Variants in VSTM2A observed in about 807,000 individuals in gnomAD.
The protein encoded by VSTM2A is V-set and transmembrane domain-containing protein 2A.
A neutral mutation model predicts 27.3 loss-of-function variants in VSTM2A; 13 were observed. The observed-to-expected ratio is 0.48, with a 90% confidence interval of 0.31 to 0.76. The LOEUF (loss-of-function observed/expected upper bound fraction) is 0.76, where lower values mean the gene tolerates loss of function less well. Among genes scored for constraint, VSTM2A ranks in the 30% least tolerant of loss-of-function variants. VSTM2A has a pLI of 0.05. For missense variants in VSTM2A, 280 were observed against 310.0 expected (o/e 0.90, Z 0.73); for synonymous variants, 142 against 125.7 (o/e 1.13, Z -0.87).
Position 54,569,492 on chromosome 7 carries a change from C to A in VSTM2A, c.*273C>A, listed in dbSNP as rs550757105. The A allele has an allele frequency of 1.8e-5, 8 of 450,578 alleles. No individual in the cohort carries two copies. The highest frequency in any genetic ancestry group is 3.1e-5 in the Non-Finnish European group (8 of 255,492). 27.9% of individuals were successfully genotyped at this position (450,578 alleles called of 1,614,324 possible). On this transcript the variant is annotated 3_prime_UTR_variant, in exon 5 of 5. Coordinates refer to ENST00000402613, the MANE Select transcript of VSTM2A (RefSeq NM_001301009.2). ...ACTAATTTCCTACTAAAGGACCCAG[C>A]ATCTTCAGGAAGCAAACAGAGATCA...
chr7:54,554,402 C>T (rs951003620), intron 4 of VSTM2A, among the ~76,000 whole-genome samples: 2 of 152,118 alleles, frequency 1.3e-5, no homozygotes, highest in South Asian at 2.1e-4. Context: ...GGAAATTGTT[C>T]GAGTCACCTT....
At chr7:54,566,741 A>G (rs914400861) in intron 4 of VSTM2A, among the ~76,000 whole-genome samples, 2 of 152,256 alleles carry the variant, frequency 1.3e-5, no homozygotes, top group Non-Finnish European at 2.9e-5. Flanking sequence ...ATGTGGAAAT[A>G]GTATCTCATT....
At position 54,542,746 on chromosome 7, in the gene VSTM2A, T is replaced by C. The variant is rs142100469; in HGVS notation, c.16T>C (p.Leu6=). Residue 6 remains leucine, a synonymous_variant, in exon 1 of 5, where the codon TTG becomes CTG. Coordinates refer to ENST00000402613, the MANE Select transcript of VSTM2A (RefSeq NM_001301009.2). The part of the protein sequence containing the change: MMGIF[L]VYVGFVFFSV... ...CCTTTTTGGAATGATGGGGATCTTT[T>C]TGGTGTATGTTGGATTTGTTTTCTT... is the stretch of plus-strand genomic sequence containing the variant. The C allele has an allele frequency of 2.7e-4, 433 of 1,613,914 alleles. 3 individuals carry two copies. In the East Asian group the frequency reaches 9.6e-3, roughly 36 times the overall value.
chr7:54,542,414 C>A lies in VSTM2A; in HGVS notation c.-317C>A, dbSNP rs527847395. The stretch of plus-strand genomic sequence containing the variant: ...CTCCGTGTTTAGGGAGGGCAGTGAT[C>A]ACGCAAGCCGGAGCGGCGGGCTGAC... On this transcript the variant is annotated 5_prime_UTR_variant, in exon 1 of 5. Coordinates refer to ENST00000402613, the MANE Select transcript of VSTM2A (RefSeq NM_001301009.2). 2.0e-5 allele frequency: 9 copies of A among 444,298 alleles called. No individual in the cohort carries two copies. The South Asian group carries it at 2.8e-4, about 14-fold the overall frequency. The allele number at this position is 444,298 out of a possible 1,614,324, so 27.5% of individuals were successfully genotyped here. A position where few individuals can be genotyped will look rare whatever the true frequency, so the allele number is the denominator to read the frequency against.
chr7:54,567,478 A>G (rs1335449541), intron 4 of VSTM2A, among the ~76,000 whole-genome samples: 5 of 152,238 alleles, frequency 3.3e-5, no homozygotes, highest in South Asian at 2.1e-4. Flanking sequence ...TGTTTCCATA[A>G]TATCTCAATG....
intron 4 of VSTM2A, among the ~76,000 whole-genome samples, chr7:54,565,291 G>T (rs1788686326): frequency 6.6e-6 from 1 of 152,226 alleles, no homozygotes; most frequent in African/African-American, 2.4e-5. Context: ...TGCCACACAG[G>T]ATTGTTGTGA....
intron 4 of VSTM2A, among the ~76,000 whole-genome samples, chr7:54,566,936 A>G (rs1184468039): frequency 6.6e-6 from 1 of 152,218 alleles, no homozygotes; most frequent in Non-Finnish European, 1.5e-5. Flanking sequence ...TTTGATAAGA[A>G]GTAATGGCAT....
chr7:54,546,853 C>T, intron 2 of VSTM2A, 94 bp from the exon 3 acceptor site: 5 of 1,497,518 alleles, frequency 3.3e-6, no homozygotes, highest in East Asian at 2.4e-5. Context: ...GTCACCCTGA[C>T]GGCCCTGCCC....
chr7:54,545,958 T>A (rs1468284754), intron 2 of VSTM2A, among the ~76,000 whole-genome samples: 1 of 57,334 alleles, frequency 1.7e-5, no homozygotes, highest in African/African-American at 7.6e-5. Flanking sequence ...GCAGAGAGAA[T>A]GAGGGGGAAG....
chr7:54,542,711 G>T lies in VSTM2A; in HGVS notation c.-20G>T, dbSNP rs1414494026. The T allele has an allele frequency of 1.9e-6, 3 of 1,612,398 alleles. No individual in the cohort carries two copies. ...TTTCGGCTGTTGGCTACACTGATGT[G>T]ACCCCCCTCCCTTTTTGGAATGATG... On this transcript the variant is annotated 5_prime_UTR_variant, in exon 1 of 5. It removes the in-frame stop codon of an upstream open reading frame in the 5' UTR. Coordinates refer to ENST00000402613, the MANE Select transcript of VSTM2A (RefSeq NM_001301009.2).
intron 4 of VSTM2A, chr7:54,554,053 G>A (rs867988966): frequency 6.4e-7 from 1 of 1,552,442 alleles, no homozygotes; most frequent in Non-Finnish European, 8.7e-7. Flanking sequence ...GGTGTGCAGA[G>A]CTGCGTGCTG....
chr7:54,556,574 G>A (rs1484489800), intron 4 of VSTM2A, among the ~76,000 whole-genome samples: 2 of 152,116 alleles, frequency 1.3e-5, no homozygotes, highest in African/African-American at 2.4e-5. Flanking sequence ...ATCCAACTTG[G>A]CTGCTTACAC....
intron 4 of VSTM2A, among the ~76,000 whole-genome samples, chr7:54,552,751 A>C (rs1305439507): frequency 6.6e-6 from 1 of 152,228 alleles, no homozygotes; most frequent in East Asian, 1.9e-4. Context: ...AAAAATCAAA[A>C]TCTTGCTCTT....
intron 4 of VSTM2A, among the ~76,000 whole-genome samples, chr7:54,560,357 A>C (rs578163777): frequency 6.7e-6 from 1 of 148,202 alleles, no homozygotes; most frequent in East Asian, 1.9e-4. Flanking sequence ...ATGACCATCA[A>C]GTTAGTCTTG....
chr7:54,568,221 T>A (rs1256611148), intron 4 of VSTM2A, among the ~76,000 whole-genome samples: 1 of 152,184 alleles, frequency 6.6e-6, no homozygotes, highest in East Asian at 1.9e-4. Flanking sequence ...ATTTTTATCA[T>A]TGTCAGTGTG....
In VSTM2A at chr7:54,546,974, G is replaced by A. The variant is rs774992604; in HGVS notation, c.274G>A (p.Asp92Asn). The change falls in exon 3 of 5, where the codon GAC (aspartate) becomes AAC (asparagine). Residue 92 changes from aspartate (D) to asparagine (N), a missense_variant. Asp to Asn is a conservative substitution (Grantham distance 23, BLOSUM62 1). Coordinates refer to ENST00000402613, the MANE Select transcript of VSTM2A (RefSeq NM_001301009.2). ...QVELLPDRDP[D>N]SDGTKISTVK... ...GGAGCTCTTGCCCGACAGAGACCCG[G>A]ACAGCGACGGGACCAAGATCAGCGT... 8.2e-6 allele frequency: 13 copies of A among 1,594,704 alleles called. No individual in the cohort carries two copies. The African/African-American group carries it at 1.8e-4, about 22-fold the overall frequency.
chr7:54,545,215 C>G (rs1206969092), intron 2 of VSTM2A, among the ~76,000 whole-genome samples: 1 of 151,870 alleles, frequency 6.6e-6, no homozygotes, highest in Non-Finnish European at 1.5e-5. Flanking sequence ...ACCGCAGCCC[C>G]CAGGCTGAAC....
intron 4 of VSTM2A, among the ~76,000 whole-genome samples, chr7:54,561,394 C>G (rs1788558320): frequency 1.3e-5 from 2 of 148,902 alleles, no homozygotes; most frequent in Non-Finnish European, 3.0e-5. Flanking sequence ...AAGAAAACAA[C>G]TCCAGACTGC....
At chr7:54,542,897 A>C in intron 1 of VSTM2A, 88 bp downstream of exon 1, 1 of 1,263,662 alleles carries the variant, frequency 7.9e-7, no homozygotes, top group East Asian at 2.3e-5. Flanking sequence ...AGATAGAATA[A>C]GCTTCCTAGC....
Sources: allele counts gnomAD v4.1 joint callset (sites outside exome capture counted in the v4.1 genomes callset), GRCh38; gene constraint gnomAD v4.1.1; transcripts MANE v1.5; gene names NCBI Gene and HGNC (gene_info 2026-07-23, HGNC 2026-07-21).